Variants in HS6ST3 observed in about 807,000 individuals in gnomAD.
HS6ST3 encodes the protein heparan-sulfate 6-O-sulfotransferase 3.
A neutral mutation model predicts 36.7 loss-of-function variants in HS6ST3; 12 were observed. The ratio of observed to expected loss-of-function variants is 0.33; its 90% confidence interval spans 0.21 to 0.53. The LOEUF is 0.53. Ranked by LOEUF, HS6ST3 falls within the 20% of genes least tolerant of loss-of-function variation. The pLI, the probability that HS6ST3 is intolerant of heterozygous loss-of-function variation, is 0.95. For missense variants in HS6ST3, 584 were observed against 640.9 expected, an observed-to-expected ratio of 0.91 and a Z score of 0.96; for synonymous variants, 240 against 257.5, an observed-to-expected ratio of 0.93 and a Z score of 0.65.
At chr13:96,770,989 TC>T (rs1301498191) in intron 1 of HS6ST3, among the ~76,000 whole-genome samples, 3 of 152,292 alleles carry the variant, frequency 2.0e-5, no homozygotes, top group Non-Finnish European at 2.9e-5. Flanking sequence ...ATTTTCTTAA[TC>T]CAGTCTATCA....
At chr13:96,428,954 T>C (rs1008360864) in intron 1 of HS6ST3, among the ~76,000 whole-genome samples, 9 of 152,202 alleles carry the variant, frequency 5.9e-5, no homozygotes, top group Non-Finnish European at 1.0e-4. Flanking sequence ...GAATGGTCCT[T>C]GTAGTTATAA....
intron 1 of HS6ST3, among the ~76,000 whole-genome samples, chr13:96,119,759 C>T (rs1301158953): frequency 6.6e-6 from 1 of 152,050 alleles, no homozygotes; most frequent in Non-Finnish European, 1.5e-5. Flanking sequence ...TTCTGCTCCC[C>T]CAGTTTTCAC....
chr13:96,455,220 GGTT>G lies in HS6ST3; in HGVS notation c.707+363663_707+363665del, dbSNP rs112350899. Among the ~76,000 whole-genome samples the G allele has an allele frequency of 9.0e-3, 1,370 of 151,958 alleles. 23 individuals carry two copies. Among genetic ancestry groups the G allele is most frequent in the African/African-American group, 0.032 (1,315 of 41,470 alleles). On this transcript the variant is annotated intron_variant, in intron 1 of 1. Transcript: ENST00000376705. The stretch of plus-strand genomic sequence containing the variant: ...AAATAATGTTTTCACCACTACAAGG[GGTT>G]GTTGTTGTTGTCGTTGTTTTTAGAC...
chr13:96,346,093 G>A (rs943550934), intron 1 of HS6ST3, among the ~76,000 whole-genome samples: 2 of 152,100 alleles, frequency 1.3e-5, no homozygotes, highest in African/African-American at 4.8e-5. Flanking sequence ...GTGGTAATGC[G>A]CTCTTGCCTG....
At chr13:96,584,721 A>G (rs2056354505) in intron 1 of HS6ST3, among the ~76,000 whole-genome samples, 1 of 152,142 alleles carries the variant, frequency 6.6e-6, no homozygotes, top group Non-Finnish European at 1.5e-5. Context: ...GCTCCTGGAG[A>G]AATGTAATAA....
intron 1 of HS6ST3, among the ~76,000 whole-genome samples, chr13:96,628,775 T>C (rs1242137684): frequency 6.6e-6 from 1 of 152,076 alleles, no homozygotes; most frequent in Non-Finnish European, 1.5e-5. Context: ...ATTTGTTTGG[T>C]GTGACTCTTT....
rs190858471 is a variant in HS6ST3, at chr13:96,589,319, A to T, written c.708-243171A>T. Among the ~76,000 whole-genome samples, 93 of 152,076 alleles carry T rather than the reference A, an allele frequency of 6.1e-4. 1 individual carries two copies. Among genetic ancestry groups the T allele is most frequent in the Middle Eastern group, 3.4e-3 (1 of 294 alleles). On this transcript the variant is annotated intron_variant, in intron 1 of 1. Transcript: ENST00000376705. ...ATTATGCATTTCTTTTAGGTTATCT[A>T]ATTTTTTATGTATAATTGTTCATAA...
At chr13:96,285,842 C>A (rs529829115) in intron 1 of HS6ST3, among the ~76,000 whole-genome samples, 7 of 152,056 alleles carry the variant, frequency 4.6e-5, no homozygotes, top group East Asian at 1.9e-4. Context: ...AGATTGATAT[C>A]TATCTCTCTT....
chr13:96,430,590 T>A (rs1385488818), intron 1 of HS6ST3, among the ~76,000 whole-genome samples: 1 of 152,174 alleles, frequency 6.6e-6, no homozygotes, highest in Non-Finnish European at 1.5e-5. Flanking sequence ...ACCACTGCCC[T>A]CTGTGCTAGT....
chr13:96,501,733 T>C (rs2056005225), intron 1 of HS6ST3, among the ~76,000 whole-genome samples: 1 of 152,220 alleles, frequency 6.6e-6, no homozygotes, highest in Non-Finnish European at 1.5e-5. Context: ...ACCTATTACA[T>C]TCTGATATGC....
intron 1 of HS6ST3, among the ~76,000 whole-genome samples, chr13:96,302,311 GA>G (rs1186108444): frequency 4.0e-5 from 6 of 151,770 alleles, no homozygotes; most frequent in Non-Finnish European, 8.8e-5. Context: ...ATAACAATTG[GA>G]AATTAAAAAA....
chr13:96,158,909 G>C (rs1370464398), intron 1 of HS6ST3, among the ~76,000 whole-genome samples: 1 of 152,086 alleles, frequency 6.6e-6, no homozygotes, highest in Non-Finnish European at 1.5e-5. Flanking sequence ...CCTTTGTGAT[G>C]ATGACTGAGC....
At chr13:96,353,516 A>G (rs990610034) in intron 1 of HS6ST3, among the ~76,000 whole-genome samples, 4 of 152,158 alleles carry the variant, frequency 2.6e-5, no homozygotes, top group African/African-American at 9.7e-5. Flanking sequence ...TGAAAATATA[A>G]AGCTTAACTG....
At chr13:96,546,879 C>G (rs1432424010) in intron 1 of HS6ST3, among the ~76,000 whole-genome samples, 1 of 152,156 alleles carries the variant, frequency 6.6e-6, no homozygotes, top group African/African-American at 2.4e-5. Context: ...TGGGACCATG[C>G]AAGGAAAATT....
intron 1 of HS6ST3, among the ~76,000 whole-genome samples, chr13:96,663,181 GCA>G (rs1566424268): frequency 6.6e-6 from 1 of 152,128 alleles, no homozygotes; most frequent in Non-Finnish European, 1.5e-5. Context: ...CAAGGAGTCT[GCA>G]CCAGCTTCAT....
At chr13:96,246,970 A>G (rs757740016) in intron 1 of HS6ST3, among the ~76,000 whole-genome samples, 6 of 152,184 alleles carry the variant, frequency 3.9e-5, no homozygotes, top group Non-Finnish European at 8.8e-5. Context: ...GTTGCATTAA[A>G]TTAAAAAAAA....
chr13:96,156,175 G>A (rs1266535710), intron 1 of HS6ST3, among the ~76,000 whole-genome samples: 2 of 152,116 alleles, frequency 1.3e-5, no homozygotes, highest in Non-Finnish European at 2.9e-5. Flanking sequence ...AGGAAGATAG[G>A]GTCATTATCC....
chr13:96,775,742 A>G (rs1361665729), intron 1 of HS6ST3, among the ~76,000 whole-genome samples: 1 of 152,204 alleles, frequency 6.6e-6, no homozygotes, highest in African/African-American at 2.4e-5. Context: ...TAATAGTGGG[A>G]GAACTTAACA....
chr13:96,538,847 G>C (rs1360298413), intron 1 of HS6ST3, among the ~76,000 whole-genome samples: 1 of 152,198 alleles, frequency 6.6e-6, no homozygotes, highest in Non-Finnish European at 1.5e-5. Context: ...TGCTTTTTCA[G>C]TGGAATTTAT....
Sources: allele counts gnomAD v4.1 joint callset (sites outside exome capture counted in the v4.1 genomes callset), GRCh38; gene constraint gnomAD v4.1.1; transcripts MANE v1.5; gene names NCBI Gene and HGNC (gene_info 2026-07-23, HGNC 2026-07-21).